PCDHA6: variants seen among roughly 807,000 people sequenced by gnomAD.
PCDHA6 encodes the protein protocadherin alpha 6, also known as protocadherin alpha-6.
In PCDHA6, 55 loss-of-function variants were observed where a neutral mutation model predicts 60.3. The ratio of observed to expected loss-of-function variants is 0.91; its 90% CI spans 0.73 to 1.14. PCDHA6 has a LOEUF of 1.14. Among genes scored for constraint, PCDHA6 ranks in the 50% most tolerant of loss-of-function variants. The probability of loss-of-function intolerance (pLI) is 0.00; values close to 1 mark genes in which losing one functional copy is unlikely to be tolerated. For missense variants in PCDHA6, 1,327 were observed against 1,256.5 expected (o/e 1.06, Z -0.85); for synonymous variants, 652 against 557.9 (o/e 1.17, Z -2.38).
At chr5:140,909,574 T>G (rs1363183074) in intron 1 of PCDHA6, among the ~76,000 whole-genome samples, 1 of 152,134 alleles carries the variant, frequency 6.6e-6, no homozygotes, top group Non-Finnish European at 1.5e-5. Flanking sequence ...TCCAGAGATG[T>G]GATATGTTTT....
chr5:140,846,457 C>T lies in PCDHA6; in HGVS notation c.2394+15972C>T, dbSNP rs111351744. Among the ~76,000 whole-genome samples the T allele has an allele frequency of 5.2e-3, 745 of 144,004 alleles. 43 individuals carry two copies. The highest frequency in any genetic ancestry group is 0.018 in the African/African-American group (687 of 39,152). 94.5% of individuals were successfully genotyped at this position (144,004 alleles called of 152,430 possible). On this transcript the variant is annotated intron_variant, in intron 1 of 3. Coordinates refer to ENST00000529310, the MANE Select transcript of PCDHA6 (RefSeq NM_018909.4). ...TGGCGCAATCTCGGCTCACTGCAAC[C>T]TCTGCCTCCCGGGTTCAAATGATTC...
At chr5:140,944,792 G>C (rs1411963111) in intron 1 of PCDHA6, among the ~76,000 whole-genome samples, 3 of 152,138 alleles carry the variant, frequency 2.0e-5, no homozygotes, top group African/African-American at 7.2e-5. Context: ...TATTTTACAA[G>C]TCTGTCGAGG....
chr5:140,881,491 C>A (rs1476916826), intron 1 of PCDHA6: 2 of 285,934 alleles, frequency 7.0e-6, no homozygotes, highest in Non-Finnish European at 1.1e-5. Flanking sequence ...TGTGTTTATG[C>A]ACATACACAC....
At chr5:140,883,690 C>T (rs1313254041) in intron 1 of PCDHA6, 1 of 1,613,870 alleles carries the variant, frequency 6.2e-7, no homozygotes, top group Non-Finnish European at 8.5e-7. Context: ...GCTGCCACAT[C>T]TTCACGGTGT....
intron 1 of PCDHA6, among the ~76,000 whole-genome samples, chr5:140,952,123 C>T (rs1182943342): frequency 6.6e-6 from 1 of 152,056 alleles, no homozygotes; most frequent in Non-Finnish European, 1.5e-5. Context: ...GATGGGCTCC[C>T]AAGGCCTTGG....
chr5:140,966,678 C>T, intron 1 of PCDHA6: 5 of 1,313,350 alleles, frequency 3.8e-6, no homozygotes, highest in South Asian at 3.6e-5. Context: ...CAGGGTGGCA[C>T]GAGCGGAGGC....
intron 1 of PCDHA6, among the ~76,000 whole-genome samples, chr5:140,961,590 A>C (rs1554225489): frequency 2.0e-5 from 3 of 152,100 alleles, no homozygotes; most frequent in Non-Finnish European, 4.4e-5. Flanking sequence ...TATTTTGGCA[A>C]TGATTCTAGT....
intron 1 of PCDHA6, chr5:140,875,488 C>G: frequency 3.7e-6 from 6 of 1,612,568 alleles, no homozygotes; most frequent in Non-Finnish European, 5.1e-6. Flanking sequence ...GATTATCGGA[C>G]CAAGAGGCCC....
chr5:141,005,990 A>G (rs1375805001), intron 3 of PCDHA6, among the ~76,000 whole-genome samples: 6 of 151,998 alleles, frequency 3.9e-5, no homozygotes, highest in Admixed American at 3.9e-4. Flanking sequence ...GTGTTTGAGG[A>G]TCTGAAAGAA....
chr5:140,920,908 T>G (rs1333150217), intron 1 of PCDHA6, among the ~76,000 whole-genome samples: 1 of 151,136 alleles, frequency 6.6e-6, no homozygotes, highest in Non-Finnish European at 1.5e-5. Context: ...GGTTCTCAAA[T>G]CAGTTCCAAG....
chr5:140,973,815 A>C (rs2096603789), intron 1 of PCDHA6, among the ~76,000 whole-genome samples: 1 of 152,224 alleles, frequency 6.6e-6, no homozygotes, highest in African/African-American at 2.4e-5. Flanking sequence ...CAGAATAGCA[A>C]AGTCAGTTCT....
intron 1 of PCDHA6, chr5:140,883,731 C>T (rs1287936712): frequency 6.2e-7 from 1 of 1,613,446 alleles, no homozygotes; most frequent in East Asian, 2.2e-5. Flanking sequence ...CAGGAGAACG[C>T]GCTGGTCTCC....
At chr5:140,967,970 C>T (rs2096204544) in intron 1 of PCDHA6, 2 of 1,614,202 alleles carry the variant, frequency 1.2e-6, no homozygotes, top group South Asian at 2.2e-5. Context: ...GAAAGTGAGC[C>T]TGGGTCTGGA....
chr5:140,836,311 C>G, intron 1 of PCDHA6: 1 of 1,613,662 alleles, frequency 6.2e-7, no homozygotes, highest in Non-Finnish European at 8.5e-7. Context: ...ACGGACGCAC[C>G]GCGCCACCGC....
intron 1 of PCDHA6, chr5:140,865,130 T>G (rs1221612986): frequency 3.3e-5 from 5 of 152,216 alleles, no homozygotes; most frequent in African/African-American, 1.2e-4. Flanking sequence ...TAATTATACC[T>G]TAGAATTTAA....
chr5:140,841,059 A>G, intron 1 of PCDHA6: 1 of 449,736 alleles, frequency 2.2e-6, no homozygotes, highest in Non-Finnish European at 3.9e-6. Context: ...CTATTAAATT[A>G]TGATAAAGAA....
At chr5:140,962,319 T>A (rs1585921663) in intron 1 of PCDHA6, among the ~76,000 whole-genome samples, 1 of 152,226 alleles carries the variant, frequency 6.6e-6, no homozygotes, top group Admixed American at 6.5e-5. Context: ...GCCATCTCAA[T>A]TGAGAATACT....
chr5:140,938,945 T>C (rs1390189208), intron 1 of PCDHA6, among the ~76,000 whole-genome samples: 8 of 152,154 alleles, frequency 5.3e-5, no homozygotes, highest in African/African-American at 1.9e-4. Flanking sequence ...TCCATTCTTA[T>C]AATGCTCTAG....
chr5:140,927,247 G>A (rs782521189), intron 1 of PCDHA6: 7 of 1,613,978 alleles, frequency 4.3e-6, no homozygotes, highest in Middle Eastern at 3.3e-4. Flanking sequence ...GGACACCAAT[G>A]ACAACTCACC....
Sources: allele counts gnomAD v4.1 joint callset (sites outside exome capture counted in the v4.1 genomes callset), GRCh38; gene constraint gnomAD v4.1.1; transcripts MANE v1.5; gene names NCBI Gene and HGNC (gene_info 2026-07-23, HGNC 2026-07-21).